Variants in DPP6 observed in about 807,000 individuals in gnomAD.
DPP6 encodes A-type potassium channel modulatory protein DPP6.
DPP6 carries 69 observed loss-of-function variants against 122.6 expected under a neutral mutation model. That is an observed-to-expected ratio of 0.56 (90% CI 0.46 to 0.69). DPP6 has a LOEUF of 0.69. Among genes scored for constraint, DPP6 ranks in the 30% least tolerant of loss-of-function variants. The pLI, the probability that DPP6 is intolerant of heterozygous loss-of-function variation, is 0.00. For synonymous variants in DPP6, 418 were observed against 433.1 expected (o/e 0.97, Z 0.43); for missense variants, 928 against 1,116.9 (o/e 0.83, Z 2.41).
intron 1 of DPP6, among the ~76,000 whole-genome samples, chr7:154,386,337 A>G (rs1015097312): frequency 2.0e-5 from 3 of 149,070 alleles, no homozygotes; most frequent in African/African-American, 7.4e-5. Context: ...TGTCTTCTCC[A>G]TGAGTAGGAG....
chr7:154,233,109 A>G (rs1161935286), intron 1 of DPP6, among the ~76,000 whole-genome samples: 3 of 152,230 alleles, frequency 2.0e-5, no homozygotes, highest in Non-Finnish European at 2.9e-5. Flanking sequence ...AACTGTGTAG[A>G]TAGTAAGTCT....
chr7:154,308,963 CACAA>C lies in DPP6; in HGVS notation c.244-137245_244-137242del, dbSNP rs200076835. Among the ~76,000 whole-genome samples the C allele has an allele frequency of 4.8e-3, 733 of 152,292 alleles. 8 individuals are homozygous for C. The highest frequency in any genetic ancestry group is 0.014 in the African/African-American group (591 of 41,562). The stretch of plus-strand genomic sequence containing the variant: ...GTATGTGTGTGCATGCGTATGCACA[CACAA>C]ACAAATGCACACACGTGAACAGTCA... On this transcript the variant is annotated intron_variant, in intron 1 of 25. Coordinates refer to ENST00000377770, the MANE Select transcript of DPP6 (RefSeq NM_130797.4).
At chr7:153,818,139 T>A in the DPP6 span, among the ~76,000 whole-genome samples, 2 of 146,174 alleles carry the variant, frequency 1.4e-5, 1 homozygote, top group South Asian at 4.2e-4. Flanking sequence ...AAAGTCCAAA[T>A]GGCCAATGCA....
At chr7:154,083,721 A>G (rs1005102017) in intron 1 of DPP6, among the ~76,000 whole-genome samples, 23 of 148,822 alleles carry the variant, frequency 1.5e-4, no homozygotes, top group Non-Finnish European at 1.3e-4. Flanking sequence ...GCATCTTCCT[A>G]TGAGAGCCCT....
At chr7:153,798,967 A>C in the DPP6 span, among the ~76,000 whole-genome samples, 1 of 152,182 alleles carries the variant, frequency 6.6e-6, no homozygotes, top group Non-Finnish European at 1.5e-5. Context: ...CTGATCTGAC[A>C]GGAGGCAGAG....
At chr7:154,439,739 T>C (rs987611951) in intron 1 of DPP6, among the ~76,000 whole-genome samples, 1 of 152,226 alleles carries the variant, frequency 6.6e-6, no homozygotes, top group Non-Finnish European at 1.5e-5. Context: ...AACACAGTTT[T>C]GCTGACCTTC....
At chr7:154,093,096 T>A (rs1405337941) in intron 1 of DPP6, among the ~76,000 whole-genome samples, 1 of 151,286 alleles carries the variant, frequency 6.6e-6, no homozygotes. Flanking sequence ...ACACCCCACA[T>A]ACCACTCACA....
In DPP6 at chr7:154,695,848, A is replaced by G. The variant is rs565536184; in HGVS notation, c.762+26407A>G. Among the ~76,000 whole-genome samples the G allele has an allele frequency of 1.5e-4, 23 of 152,300 alleles. 1 individual carries two copies. The highest frequency in any genetic ancestry group is 6.8e-3 in the Middle Eastern group (2 of 294). On this transcript the variant is annotated intron_variant, in intron 7 of 25. Coordinates refer to ENST00000377770, the MANE Select transcript of DPP6 (RefSeq NM_130797.4). ...CACTCTGGACAGGCAGGAGACCTCAATGGGCACTGGGGCAACCTGGGCCAG... is the reference window on the plus strand; with the variant it reads ...CACTCTGGACAGGCAGGAGACCTCAGTGGGCACTGGGGCAACCTGGGCCAG...
intron 8 of DPP6, among the ~76,000 whole-genome samples, chr7:154,753,835 G>C (rs1392778442): frequency 2.0e-5 from 3 of 152,158 alleles, no homozygotes; most frequent in Non-Finnish European, 4.4e-5. Flanking sequence ...TGACTGTGGA[G>C]GATGCCCATG....
chr7:153,795,371 C>A, the DPP6 span, among the ~76,000 whole-genome samples: 2 of 152,148 alleles, frequency 1.3e-5, no homozygotes, highest in Non-Finnish European at 2.9e-5. Flanking sequence ...GCTAGGATTG[C>A]GCCACTGCAC....
At chr7:154,445,135 A>G (rs1251323547) in intron 1 of DPP6, among the ~76,000 whole-genome samples, 1 of 152,172 alleles carries the variant, frequency 6.6e-6, no homozygotes, top group Non-Finnish European at 1.5e-5. Flanking sequence ...TTTGATGAAA[A>G]TATATTTATG....
At chr7:154,700,025 T>A (rs1465916723) in intron 7 of DPP6, among the ~76,000 whole-genome samples, 1 of 152,172 alleles carries the variant, frequency 6.6e-6, no homozygotes, top group Non-Finnish European at 1.5e-5. Context: ...AAAATCATAA[T>A]CCATAATAAT....
At chr7:154,482,799 C>T (rs1823424143) in intron 3 of DPP6, among the ~76,000 whole-genome samples, 2 of 152,098 alleles carry the variant, frequency 1.3e-5, no homozygotes, top group African/African-American at 2.4e-5. Context: ...TGGTGAGTGA[C>T]AAATCAGCAG....
chr7:154,190,371 G>GTAATGTCTTGA (rs1798557219), intron 1 of DPP6, among the ~76,000 whole-genome samples: 1 of 151,998 alleles, frequency 6.6e-6, no homozygotes, highest in African/African-American at 2.4e-5. Context: ...AACACCACCA[G>GTAATGTCTTGA]CCCCTCTAGT....
At chr7:154,594,015 A>G (rs568246487) in intron 5 of DPP6, among the ~76,000 whole-genome samples, 3 of 152,362 alleles carry the variant, frequency 2.0e-5, no homozygotes, top group South Asian at 2.1e-4. Context: ...GGAGCTCTCA[A>G]AGAAAATGTG....
chr7:154,268,717 C>G (rs1803592321), intron 1 of DPP6, among the ~76,000 whole-genome samples: 1 of 152,064 alleles, frequency 6.6e-6, no homozygotes, highest in East Asian at 1.9e-4. Context: ...AATGATTTTC[C>G]CTGCGATGAC....
At chr7:154,693,639 C>G (rs964567282) in intron 7 of DPP6, among the ~76,000 whole-genome samples, 1 of 152,170 alleles carries the variant, frequency 6.6e-6, no homozygotes, top group African/African-American at 2.4e-5. Flanking sequence ...CCCTGAAACA[C>G]CAATAGGCCC....
At chr7:154,173,247 A>G (rs1330581082) in intron 1 of DPP6, among the ~76,000 whole-genome samples, 3 of 152,208 alleles carry the variant, frequency 2.0e-5, no homozygotes, top group African/African-American at 7.2e-5. Context: ...GGGACGAATG[A>G]GACTCATCAC....
chr7:153,790,118 A>C, the DPP6 span, among the ~76,000 whole-genome samples: 3 of 152,196 alleles, frequency 2.0e-5, no homozygotes, highest in Non-Finnish European at 4.4e-5. Context: ...TTTTTTATAA[A>C]ATAAATGAGG....
Sources: allele counts gnomAD v4.1 joint callset (sites outside exome capture counted in the v4.1 genomes callset), GRCh38; gene constraint gnomAD v4.1.1; transcripts MANE v1.5; gene names NCBI Gene and HGNC (gene_info 2026-07-23, HGNC 2026-07-21).